Variants in EFNA5 observed in about 807,000 individuals in gnomAD.
EFNA5 encodes the protein ephrin-A5.
Under a neutral mutation model 22.9 loss-of-function variants are expected in EFNA5, and 5 were observed. The ratio of observed to expected loss-of-function variants is 0.22; its 90% CI spans 0.11 to 0.46. The LOEUF (loss-of-function observed/expected upper bound fraction) is 0.46, where lower values mean the gene tolerates loss of function less well. Among genes scored for constraint, EFNA5 ranks in the 20% least tolerant of loss-of-function variants. The probability of loss-of-function intolerance (pLI) is 0.99; values close to 1 mark genes in which losing one functional copy is unlikely to be tolerated. For synonymous variants in EFNA5, 113 were observed against 112.2 expected, an observed-to-expected ratio of 1.01 and a Z score of -0.04; for missense variants, 237 against 293.3, an observed-to-expected ratio of 0.81 and a Z score of 1.40.
chr5:107,411,118 T>C (rs188140373), intron 2 of EFNA5, among the ~76,000 whole-genome samples: 2 of 152,266 alleles, frequency 1.3e-5, no homozygotes, highest in East Asian at 3.9e-4. Context: ...AAAGATAAAA[T>C]AATACTGTAC....
At chr5:107,523,251 T>C (rs568516337) in intron 1 of EFNA5, among the ~76,000 whole-genome samples, 2 of 152,304 alleles carry the variant, frequency 1.3e-5, no homozygotes, top group African/African-American at 4.8e-5. Flanking sequence ...AGTTGGGAAA[T>C]AGCCATGATA....
At chr5:107,422,227 C>T (rs747698369) in intron 2 of EFNA5, among the ~76,000 whole-genome samples, 3 of 152,178 alleles carry the variant, frequency 2.0e-5, no homozygotes, top group Non-Finnish European at 4.4e-5. Context: ...AATAGTTCTT[C>T]GTAGTGCTGT....
chr5:107,452,789 T>A (rs766467863), intron 1 of EFNA5, among the ~76,000 whole-genome samples: 1 of 152,156 alleles, frequency 6.6e-6, no homozygotes, highest in African/African-American at 2.4e-5. Flanking sequence ...TTTTAAACCT[T>A]TAAAGAGTCA....
intron 1 of EFNA5, among the ~76,000 whole-genome samples, chr5:107,561,103 T>C (rs1003752784): frequency 4.6e-5 from 7 of 152,192 alleles, no homozygotes; most frequent in Admixed American, 3.3e-4. Context: ...CCCCAAACTC[T>C]ACCTCTTTAC....
intron 1 of EFNA5, among the ~76,000 whole-genome samples, chr5:107,535,970 C>T (rs1328619397): frequency 6.6e-6 from 1 of 152,166 alleles, no homozygotes; most frequent in South Asian, 2.1e-4. Flanking sequence ...GCACAGTGCA[C>T]CCTCTCTTCC....
At chr5:107,569,397 GTGTA>G (rs1450863929) in intron 1 of EFNA5, among the ~76,000 whole-genome samples, 2 of 142,290 alleles carry the variant, frequency 1.4e-5, no homozygotes, top group African/African-American at 5.2e-5. Flanking sequence ...ATGTATATGT[GTGTA>G]TATATATATA....
At chr5:107,413,355 ACCAAATCATTGCT>A (rs1257992887) in intron 2 of EFNA5, among the ~76,000 whole-genome samples, 2 of 152,190 alleles carry the variant, frequency 1.3e-5, no homozygotes, top group Admixed American at 1.3e-4. Context: ...TTTAATCATA[ACCAAATCATTGCT>A]CCATTTAAAT....
At chr5:107,459,148 CT>C (rs1290444278) in intron 1 of EFNA5, among the ~76,000 whole-genome samples, 1 of 152,060 alleles carries the variant, frequency 6.6e-6, no homozygotes, top group Non-Finnish European at 1.5e-5. Context: ...AATCCCAGCA[CT>C]TTGAGAGGCT....
At chr5:107,608,022 C>A (rs563709808) in intron 1 of EFNA5, among the ~76,000 whole-genome samples, 38 of 152,184 alleles carry the variant, frequency 2.5e-4, no homozygotes, top group African/African-American at 8.4e-4. Flanking sequence ...AAATTCAGCA[C>A]CATATGAGGA....
chr5:107,516,418 A>G (rs1324236529), intron 1 of EFNA5, among the ~76,000 whole-genome samples: 1 of 152,172 alleles, frequency 6.6e-6, no homozygotes, highest in Admixed American at 6.6e-5. Flanking sequence ...AAAAACCTCT[A>G]TGAAAGGAAA....
intron 1 of EFNA5, among the ~76,000 whole-genome samples, chr5:107,615,723 T>C (rs978565267): frequency 5.3e-5 from 8 of 152,174 alleles, no homozygotes; most frequent in Non-Finnish European, 1.5e-5. Flanking sequence ...AAAATCTGAC[T>C]AATCATTCTT....
At chr5:107,648,721 T>C (rs1421290031) in intron 1 of EFNA5, among the ~76,000 whole-genome samples, 2 of 152,174 alleles carry the variant, frequency 1.3e-5, no homozygotes, top group Non-Finnish European at 2.9e-5. Context: ...ATTATTTTTA[T>C]TACTGACTAA....
intron 1 of EFNA5, among the ~76,000 whole-genome samples, chr5:107,572,537 G>A (rs1748836576): frequency 6.6e-6 from 1 of 152,226 alleles, no homozygotes; most frequent in Non-Finnish European, 1.5e-5. Context: ...CAGATACAGT[G>A]CTTGACTACT....
At chr5:107,655,754 G>A (rs1241798278) in intron 1 of EFNA5, among the ~76,000 whole-genome samples, 1 of 152,186 alleles carries the variant, frequency 6.6e-6, no homozygotes, top group East Asian at 1.9e-4. Context: ...ATAACCACCT[G>A]ACAATGCTAT....
At chr5:107,644,479 C>T (rs1055053214) in intron 1 of EFNA5, among the ~76,000 whole-genome samples, 3 of 152,130 alleles carry the variant, frequency 2.0e-5, no homozygotes, top group East Asian at 1.9e-4. Flanking sequence ...AAAATACTTG[C>T]ATCCAAAGAA....
rs180764298 is a variant in EFNA5, at chr5:107,471,180, C to T, written c.126-43671G>A. Among the ~76,000 whole-genome samples the T allele has an allele frequency of 2.0e-3, 308 of 152,268 alleles. 1 individual carries two copies. The highest frequency in any genetic ancestry group is 6.8e-3 in the African/African-American group (282 of 41,564). On this transcript the variant is annotated intron_variant, in intron 1 of 4. Coordinates refer to ENST00000333274, the MANE Select transcript of EFNA5 (RefSeq NM_001962.3). ...TAATTTGTGCTTGGTCCTTCGCACT[C>T]CCCATATTTTGGTAGCATGGAACCT...
chr5:107,653,303 G>C (rs1750769379), intron 1 of EFNA5, among the ~76,000 whole-genome samples: 1 of 151,894 alleles, frequency 6.6e-6, no homozygotes, highest in Admixed American at 6.6e-5. Flanking sequence ...CTGCACTTCA[G>C]TCTCCTAAGT....
chr5:107,566,738 C>G (rs1231296439), intron 1 of EFNA5, among the ~76,000 whole-genome samples: 1 of 152,216 alleles, frequency 6.6e-6, no homozygotes, highest in Non-Finnish European at 1.5e-5. Flanking sequence ...GGAGGATAAA[C>G]ACTGCCTGCG....
intron 1 of EFNA5, among the ~76,000 whole-genome samples, chr5:107,537,050 AGCCGACATCGT>A (rs374651725): frequency 0.029 from 4,402 of 151,926 alleles, 185 homozygotes; most frequent in African/African-American, 0.099. Flanking sequence ...GGTTGCAGTG[AGCCGACATCGT>A]GCCACTGCAC....
Sources: allele counts gnomAD v4.1 joint callset (sites outside exome capture counted in the v4.1 genomes callset), GRCh38; gene constraint gnomAD v4.1.1; transcripts MANE v1.5; gene names NCBI Gene and HGNC (gene_info 2026-07-23, HGNC 2026-07-21).